PCSK6: variants seen among roughly 807,000 people sequenced by gnomAD.
PCSK6 encodes paired basic amino acid cleaving enzyme 4.
Under a neutral mutation model 123.3 loss-of-function variants are expected in PCSK6, and 85 were observed. The observed-to-expected ratio is 0.69, with a 90% CI of 0.58 to 0.83. The LOEUF (loss-of-function observed/expected upper bound fraction) is 0.83, where lower values mean the gene tolerates loss of function less well. PCSK6 is among the 40% of genes least tolerant of loss of function. The probability of loss-of-function intolerance (pLI) is 0.00; values close to 1 mark genes in which losing one functional copy is unlikely to be tolerated. For synonymous variants in PCSK6, 508 were observed against 516.0 expected, an observed-to-expected ratio of 0.98 and a Z score of 0.21; for missense variants, 1,191 against 1,282.3, an observed-to-expected ratio of 0.93 and a Z score of 1.09.
intron 1 of PCSK6, among the ~76,000 whole-genome samples, chr15:101,457,303 T>C (rs1199032213): frequency 2.0e-5 from 3 of 152,264 alleles, no homozygotes; most frequent in African/African-American, 7.2e-5. Flanking sequence ...AAAGGATCTC[T>C]GAGCAAGTTC....
intron 18 of PCSK6, among the ~76,000 whole-genome samples, chr15:101,320,248 G>C (rs1486805104): frequency 2.0e-5 from 3 of 152,094 alleles, no homozygotes; most frequent in African/African-American, 7.2e-5. Flanking sequence ...ACCATGTCTG[G>C]CTATTTTTTT....
intron 1 of PCSK6, among the ~76,000 whole-genome samples, chr15:101,471,022 C>T (rs2057591005): frequency 6.6e-6 from 1 of 152,168 alleles, no homozygotes. Flanking sequence ...CTTATCTCTC[C>T]TCCTTCTCTC....
chr15:101,432,790 T>C (rs1024675197), intron 2 of PCSK6, among the ~76,000 whole-genome samples: 4 of 152,172 alleles, frequency 2.6e-5, no homozygotes, highest in Admixed American at 2.0e-4. Flanking sequence ...AAGCAGTGAA[T>C]GAAGAAAGTG....
intron 6 of PCSK6, among the ~76,000 whole-genome samples, chr15:101,402,762 C>G (rs907012610): frequency 1.4e-4 from 21 of 152,284 alleles, no homozygotes; most frequent in Admixed American, 7.2e-4. Flanking sequence ...ATTAAAAAGT[C>G]AGGAAACAAC....
Position 101,489,704 on chromosome 15 carries a change from G to A in PCSK6, c.-34C>T, listed in dbSNP as rs1489399128. Reference sequence around the variant, plus strand: ...CAGGCTCGCGCGGCGCCCGAGCTGCGAGTGCGCCGGGGGGTGGAGTGCCGC... The same window carrying A: ...CAGGCTCGCGCGGCGCCCGAGCTGCAAGTGCGCCGGGGGGTGGAGTGCCGC... On this transcript the variant is annotated 5_prime_UTR_variant, in exon 1 of 22. Transcript: ENST00000611716. 3.3e-5 allele frequency: 31 copies of A among 927,322 alleles called. No individual in the cohort carries two copies. The African/African-American group carries it at 4.7e-4, about 14-fold the overall frequency. 57.4% of individuals were successfully genotyped at this position (927,322 alleles called of 1,614,324 possible). A position where few individuals can be genotyped will look rare whatever the true frequency, so the allele number is the denominator to read the frequency against.
intron 1 of PCSK6, among the ~76,000 whole-genome samples, chr15:101,479,978 T>C (rs1416336386): frequency 6.6e-6 from 1 of 152,222 alleles, no homozygotes; most frequent in African/African-American, 2.4e-5. Flanking sequence ...CTCAAGGTGA[T>C]CTGCTTAAAT....
chr15:101,389,325 G>A (rs998421090), intron 9 of PCSK6, 139 bp downstream of exon 9: 2 of 675,570 alleles, frequency 3.0e-6, no homozygotes, highest in Non-Finnish European at 5.3e-6. Context: ...AGGGATGGTG[G>A]TGCAGGTGCA....
Position 101,307,338 on chromosome 15 carries a change from A to AC in PCSK6, c.2700-14dup, listed in dbSNP as rs763732798. 1.3e-6 allele frequency: 2 copies of AC among 1,598,912 alleles called. No homozygotes were observed. Among genetic ancestry groups the AC allele is most frequent in the African/African-American group, 2.7e-5 (2 of 74,628 alleles). ...GTTCTCGTCACACCTGTGGGAAGAT[A>AC]CCGTTCCTGCTGAAGTCTGGGGAAG... On this transcript the variant is annotated splice_polypyrimidine_tract_variant and intron_variant, in intron 20 of 21. Transcript: ENST00000611716.
intron 13 of PCSK6, among the ~76,000 whole-genome samples, chr15:101,346,015 G>C (rs946515575): frequency 2.0e-5 from 3 of 152,206 alleles, no homozygotes; most frequent in African/African-American, 7.2e-5. Flanking sequence ...TTTGAAAAAA[G>C]GTTCACCTTT....
intron 1 of PCSK6, among the ~76,000 whole-genome samples, chr15:101,466,145 C>T (rs1446272870): frequency 6.6e-6 from 1 of 152,060 alleles, no homozygotes; most frequent in Non-Finnish European, 1.5e-5. Flanking sequence ...CTGCAAGTCA[C>T]GTGTCTGATA....
chr15:101,374,079 G>A (rs2041663758), intron 11 of PCSK6, among the ~76,000 whole-genome samples: 1 of 152,168 alleles, frequency 6.6e-6, no homozygotes, highest in Non-Finnish European at 1.5e-5. Context: ...GAGACGGCCA[G>A]ACTTGGAAAA....
chr15:101,389,198 T>C (rs572766953), intron 9 of PCSK6, among the ~76,000 whole-genome samples: 1 of 152,290 alleles, frequency 6.6e-6, no homozygotes, highest in Non-Finnish European at 1.5e-5. Flanking sequence ...AAATTTCTGT[T>C]GTTTGAGCTG....
intron 18 of PCSK6, 75 bp downstream of exon 18, chr15:101,322,445 C>G (rs2040146899): frequency 9.8e-7 from 1 of 1,016,652 alleles, no homozygotes; most frequent in Non-Finnish European, 1.5e-6. Flanking sequence ...AGAAATGCAC[C>G]AACGTGGTAA....
intron 2 of PCSK6, among the ~76,000 whole-genome samples, chr15:101,436,211 C>T (rs2056595990): frequency 6.6e-6 from 1 of 152,152 alleles, no homozygotes; most frequent in South Asian, 2.1e-4. Context: ...GCTGGAGAGT[C>T]CTAAAAGGAG....
intron 1 of PCSK6, among the ~76,000 whole-genome samples, chr15:101,447,836 C>A (rs999176855): frequency 6.6e-6 from 1 of 152,218 alleles, no homozygotes; most frequent in Admixed American, 6.5e-5. Flanking sequence ...CTTCTCCAGC[C>A]GGTGCCTGAG....
chr15:101,321,958 T>C (rs3825921), intron 18 of PCSK6, among the ~76,000 whole-genome samples: 79,662 of 152,248 alleles, frequency 0.52, 22,493 homozygotes, highest in Admixed American at 0.63. Flanking sequence ...TTTGGTTGCA[T>C]TAAATGGGCT....
chr15:101,471,318 T>A (rs1373605046), intron 1 of PCSK6, among the ~76,000 whole-genome samples: 2 of 137,052 alleles, frequency 1.5e-5, no homozygotes, highest in Non-Finnish European at 3.2e-5. Context: ...GATTATGTCT[T>A]CAAAGACAAC....
At chr15:101,410,130 A>G (rs974146474) in intron 6 of PCSK6, among the ~76,000 whole-genome samples, 1 of 152,188 alleles carries the variant, frequency 6.6e-6, no homozygotes, top group Admixed American at 6.5e-5. Flanking sequence ...ACAGGGTCTC[A>G]CTATGTTGTT....
At chr15:101,307,430 A>G in intron 20 of PCSK6, 105 bp from the exon 21 acceptor site, 2 of 756,308 alleles carry the variant, frequency 2.6e-6, no homozygotes, top group Non-Finnish European at 4.5e-6. Flanking sequence ...CCACCCCCTC[A>G]GCCTCGGTCC....
Sources: allele counts gnomAD v4.1 joint callset (sites outside exome capture counted in the v4.1 genomes callset), GRCh38; gene constraint gnomAD v4.1.1; transcripts MANE v1.5; gene names NCBI Gene and HGNC (gene_info 2026-07-23, HGNC 2026-07-21).